ARHGEF10: variants seen among roughly 807,000 people sequenced by gnomAD.
The protein encoded by ARHGEF10 is Rho guanine nucleotide exchange factor (GEF) 10.
A neutral mutation model predicts 147.4 loss-of-function variants in ARHGEF10; 140 were observed. That is an observed-to-expected ratio of 0.95 (90% CI 0.83 to 1.09). The LOEUF is 1.09. ARHGEF10 is among the 50% of genes least tolerant of loss of function. ARHGEF10 has a pLI of 0.00. For synonymous variants in ARHGEF10, 902 were observed against 695.8 expected, an observed-to-expected ratio of 1.30 and a Z score of -4.67; for missense variants, 2,222 against 1,752.7, an observed-to-expected ratio of 1.27 and a Z score of -4.78.
In ARHGEF10 at chr8:1,923,635, C is replaced by G. The variant is rs181442826; in HGVS notation, c.2387+40C>G. 1.4e-3 allele frequency: 2,262 copies of G among 1,614,098 alleles called. 5 individuals carry two copies. Among genetic ancestry groups the G allele is most frequent in the Non-Finnish European group, 1.7e-3 (2,039 of 1,180,014 alleles). ...TAAAACGAAACCTTCTTGGCCAATG[C>G]TGGGGAGAAAATGGTTCTTTGTCAT... On this transcript the variant is annotated intron_variant, in intron 20 of 28. Transcript: ENST00000349830.
chr8:1,932,247 G>C (rs1813205003), intron 25 of ARHGEF10, among the ~76,000 whole-genome samples: 1 of 127,656 alleles, frequency 7.8e-6, no homozygotes, highest in Admixed American at 8.5e-5. Context: ...CCATGCACAT[G>C]TGTGTATGCA....
intron 17 of ARHGEF10, among the ~76,000 whole-genome samples, chr8:1,907,109 C>G (rs1173179401): frequency 6.6e-6 from 1 of 152,212 alleles, no homozygotes; most frequent in African/African-American, 2.4e-5. Flanking sequence ...AGCTGGAGAA[C>G]TCCAGGTGTG....
chr8:1,853,837 C>T (rs567511299), intron 2 of ARHGEF10, among the ~76,000 whole-genome samples: 147 of 152,274 alleles, frequency 9.7e-4, no homozygotes, highest in African/African-American at 3.4e-3. Flanking sequence ...CCTGCAGCTG[C>T]ACTGCCAGGT....
At chr8:1,865,777 C>G (rs901182750) in intron 5 of ARHGEF10, among the ~76,000 whole-genome samples, 31 of 152,344 alleles carry the variant, frequency 2.0e-4, no homozygotes, top group African/African-American at 7.5e-4. Context: ...ATACACGTCT[C>G]TGGGTGCTCA....
chr8:1,903,204 G>A (rs1221673939), intron 15 of ARHGEF10, 77 bp from the exon 16 acceptor site: 1 of 1,555,320 alleles, frequency 6.4e-7, no homozygotes, highest in East Asian at 2.2e-5. Context: ...TCCATTGTCA[G>A]CTGGCGGGTG....
At chr8:1,878,321 C>G (rs1263491475) in intron 8 of ARHGEF10, among the ~76,000 whole-genome samples, 2 of 152,090 alleles carry the variant, frequency 1.3e-5, no homozygotes, top group Non-Finnish European at 2.9e-5. Flanking sequence ...TCTCAAGTAG[C>G]TGGGATTATA....
intron 14 of ARHGEF10, among the ~76,000 whole-genome samples, chr8:1,897,862 C>T (rs1810135139): frequency 6.6e-6 from 1 of 152,274 alleles, no homozygotes; most frequent in African/African-American, 2.4e-5. Context: ...TTCATTGCTC[C>T]AGGACCTGAG....
intron 18 of ARHGEF10, among the ~76,000 whole-genome samples, chr8:1,916,176 C>A (rs1254999074): frequency 3.3e-5 from 5 of 152,190 alleles, no homozygotes; most frequent in African/African-American, 1.2e-4. Flanking sequence ...GCAGGACGGC[C>A]TGTGGACAGG....
chr8:1,953,654 G>T (rs1815242949), intron 28 of ARHGEF10, among the ~76,000 whole-genome samples: 1 of 151,998 alleles, frequency 6.6e-6, no homozygotes, highest in Non-Finnish European at 1.5e-5. Context: ...GAAACAGGAG[G>T]TGACCCGCAG....
At chr8:1,859,752 C>A in intron 3 of ARHGEF10, 145 bp from the exon 4 acceptor site, 1 of 969,720 alleles carries the variant, frequency 1.0e-6, no homozygotes, top group Non-Finnish European at 1.6e-6. Context: ...CCCTCCGAGG[C>A]CACCTGATGA....
At chr8:1,833,309 GAC>G (rs1481167679) in intron 1 of ARHGEF10, among the ~76,000 whole-genome samples, 16 of 97,376 alleles carry the variant, frequency 1.6e-4, no homozygotes, top group Admixed American at 1.1e-3. Context: ...CAGAGGCAGA[GAC>G]AGAAGCAGAG....
chr8:1,880,188 G>A lies in ARHGEF10; in HGVS notation c.960+24G>A, dbSNP rs748296873. On this transcript the variant is annotated intron_variant, in intron 9 of 28. Transcript: ENST00000349830. Reference sequence around the variant, plus strand: ...AGGTAGAGTCTTGCCCCCGGCCGCTGCCCCCACTTGCCAGCCGGGCAGTAA... The same window carrying A: ...AGGTAGAGTCTTGCCCCCGGCCGCTACCCCCACTTGCCAGCCGGGCAGTAA... 2.6e-6 allele frequency: 4 copies of A among 1,531,136 alleles called. No homozygotes were observed. In the East Asian group the frequency reaches 9.0e-5, roughly 34 times the overall value. 94.8% of individuals were successfully genotyped at this position (1,531,136 alleles called of 1,614,324 possible). A position where few individuals can be genotyped will look rare whatever the true frequency, so the allele number is the denominator to read the frequency against.
At chr8:1,887,481 A>AGTGGGGTGTGAGGGGTCTGTGAGGAGACC in intron 11 of ARHGEF10, among the ~76,000 whole-genome samples, 2 of 134,768 alleles carry the variant, frequency 1.5e-5, no homozygotes, top group African/African-American at 5.5e-5. Flanking sequence ...GTGAGGAGAC[A>AGTGGGGTGTGAGGGGTCTGTGAGGAGACC]CTGAGTGGGG....
intron 6 of ARHGEF10, among the ~76,000 whole-genome samples, chr8:1,867,401 G>A (rs967986458): frequency 6.6e-6 from 1 of 152,170 alleles, no homozygotes; most frequent in Non-Finnish European, 1.5e-5. Flanking sequence ...ATCCAAAAGT[G>A]CATCATTTTA....
chr8:1,905,893 C>T (rs1165778114), intron 17 of ARHGEF10, among the ~76,000 whole-genome samples, 177 bp downstream of exon 17: 1 of 152,124 alleles, frequency 6.6e-6, no homozygotes, highest in African/African-American at 2.4e-5. Flanking sequence ...TAAATAGATT[C>T]AGTGTAAGTC....
intron 18 of ARHGEF10, among the ~76,000 whole-genome samples, chr8:1,914,336 G>A (rs571619807): frequency 3.3e-5 from 5 of 152,344 alleles, no homozygotes; most frequent in Admixed American, 2.0e-4. Flanking sequence ...TGAGCAGCGC[G>A]TCCAGCCACA....
intron 1 of ARHGEF10, among the ~76,000 whole-genome samples, chr8:1,839,555 C>G (rs1217726666): frequency 1.5e-5 from 2 of 134,434 alleles, no homozygotes; most frequent in Admixed American, 7.5e-5. Flanking sequence ...TGGAAGCTGT[C>G]TGGTGTGGGG....
Position 1,837,723 on chromosome 8 carries a change from CAG to C in ARHGEF10, c.-47-5627_-47-5626del, listed in dbSNP as rs150998108. Among the ~76,000 whole-genome samples the C allele has an allele frequency of 1.8e-3, 281 of 152,230 alleles. 2 individuals are homozygous for C. The highest frequency in any genetic ancestry group is 6.3e-3 in the African/African-American group (263 of 41,548). On this transcript the variant is annotated intron_variant, in intron 1 of 28. Coordinates refer to ENST00000349830, the MANE Select transcript of ARHGEF10 (RefSeq NM_014629.4). ...GCCACTTGCTCACCACCTTTGAGAA[CAG>C]AGCGTGGGTTACCAGGGGAGGGCGC...
At chr8:1,843,961 G>A (rs991502566) in intron 2 of ARHGEF10, among the ~76,000 whole-genome samples, 2 of 152,202 alleles carry the variant, frequency 1.3e-5, no homozygotes, top group African/African-American at 4.8e-5. Flanking sequence ...GAGTTAAATT[G>A]TTGCCAAAAA....
Sources: allele counts gnomAD v4.1 joint callset (sites outside exome capture counted in the v4.1 genomes callset), GRCh38; gene constraint gnomAD v4.1.1; transcripts MANE v1.5; gene names NCBI Gene and HGNC (gene_info 2026-07-23, HGNC 2026-07-21).